The following TTC28 variants were observed in gnomAD, a reference collection of about 807,000 sequenced individuals.
TTC28 encodes tetratricopeptide repeat protein 28.
A neutral mutation model predicts 198.0 loss-of-function variants in TTC28; 61 were observed. The ratio of observed to expected loss-of-function variants is 0.31; its 90% CI spans 0.25 to 0.38. TTC28 has a LOEUF of 0.38. Ranked by LOEUF, TTC28 falls within the 10% of genes least tolerant of loss-of-function variation. TTC28 has a pLI of 1.00. For synonymous variants in TTC28, 1,171 were observed against 1,297.8 expected (o/e 0.90, Z 2.10); for missense variants, 2,678 against 3,164.0 (o/e 0.85, Z 3.69).
At chr22:28,168,291 A>T (rs552308765) in intron 5 of TTC28, among the ~76,000 whole-genome samples, 11,835 of 152,162 alleles carry the variant, frequency 0.078, 572 homozygotes, top group South Asian at 0.17. Flanking sequence ...AAGCTACCAC[A>T]GACTTTCTTC....
rs561175046 is a variant in TTC28 at position 28,126,063 on chromosome 22, T to C, written c.1442-17660A>G. ...TACCCCTGAGGCAAAAAACAACATATGAAACGAGAGGATGTTTTGGTCCTA... is the reference window on the plus strand; with the variant it reads ...TACCCCTGAGGCAAAAAACAACATACGAAACGAGAGGATGTTTTGGTCCTA... On this transcript the variant is annotated intron_variant, in intron 6 of 22. Coordinates refer to ENST00000397906, the MANE Select transcript of TTC28 (RefSeq NM_001145418.2). Among the ~76,000 whole-genome samples the C allele has an allele frequency of 2.0e-5, 3 of 152,212 alleles. No homozygotes were observed. In the East Asian group the frequency reaches 5.8e-4, roughly 29 times the overall value.
intron 1 of TTC28, among the ~76,000 whole-genome samples, chr22:28,663,648 G>T (rs1410992655): frequency 7.5e-6 from 1 of 133,956 alleles, no homozygotes; most frequent in Admixed American, 7.6e-5. Flanking sequence ...AGGGTCCTAC[G>T]CCCACGGAAT....
chr22:28,505,240 G>A (rs553610638), intron 2 of TTC28, among the ~76,000 whole-genome samples: 2 of 129,754 alleles, frequency 1.5e-5, no homozygotes, highest in African/African-American at 3.0e-5. Flanking sequence ...CTGGGCAACA[G>A]AGCGAGACTC....
intron 2 of TTC28, among the ~76,000 whole-genome samples, chr22:28,318,751 T>C (rs1042227636): frequency 1.3e-5 from 2 of 151,566 alleles, no homozygotes; most frequent in African/African-American, 2.4e-5. Flanking sequence ...CCTACACACA[T>C]GTCAATGTAG....
chr22:28,319,256 C>T (rs1001746938), intron 2 of TTC28, among the ~76,000 whole-genome samples: 1 of 152,144 alleles, frequency 6.6e-6, no homozygotes, highest in African/African-American at 2.4e-5. Flanking sequence ...TCCTCAGAAG[C>T]ATGTTCTTTT....
At chr22:28,169,659 A>G (rs1193697543) in intron 5 of TTC28, among the ~76,000 whole-genome samples, 1 of 152,024 alleles carries the variant, frequency 6.6e-6, no homozygotes, top group East Asian at 1.9e-4. Flanking sequence ...ATCACACACC[A>G]GGGACTGTTG....
intron 8 of TTC28, among the ~76,000 whole-genome samples, chr22:28,103,700 A>G (rs1334513881): frequency 1.3e-5 from 2 of 152,238 alleles, no homozygotes; most frequent in Non-Finnish European, 2.9e-5. Flanking sequence ...GATCTCTGCA[A>G]GACTTAAAAA....
rs577822053 is a variant in TTC28, at chr22:28,404,397, G to A, written c.382-97754C>T. Among the ~76,000 whole-genome samples, 31 of 152,254 alleles carry A rather than the reference G, an allele frequency of 2.0e-4. No homozygotes were observed. In the South Asian group the frequency reaches 5.4e-3, roughly 26 times the overall value. On this transcript the variant is annotated intron_variant, in intron 2 of 22. Transcript: ENST00000397906. ...CCTCCCAAAGTGCTGGGTTACTGGC[G>A]TGAGACACCGCGCCCGGCCTATATG... is the stretch of plus-strand genomic sequence containing the variant.
In TTC28 at chr22:28,088,322, T is replaced by C. The variant is rs201105937; in HGVS notation, c.3932+5758A>G. 2.2e-4 allele frequency among the ~76,000 whole-genome samples: 33 copies of C among 152,072 alleles called. No homozygotes were observed. The East Asian group carries it at 6.4e-3, about 29-fold the overall frequency. Reference sequence around the variant, plus strand: ...ACTGGTACCAAAACAGAGATATAGATCAATGGAACAGAACAGAGCCCTCAG... The same window carrying C: ...ACTGGTACCAAAACAGAGATATAGACCAATGGAACAGAACAGAGCCCTCAG... On this transcript the variant is annotated intron_variant, in intron 12 of 22. Transcript: ENST00000397906.
chr22:28,247,247 G>C (rs1360519107), intron 5 of TTC28, among the ~76,000 whole-genome samples: 4 of 152,228 alleles, frequency 2.6e-5, no homozygotes, highest in South Asian at 4.1e-4. Flanking sequence ...TGTATATCTG[G>C]GCTCTTCAAT....
intron 6 of TTC28, among the ~76,000 whole-genome samples, chr22:28,138,664 T>A (rs1943256668): frequency 6.6e-6 from 1 of 152,150 alleles, no homozygotes; most frequent in Non-Finnish European, 1.5e-5. Flanking sequence ...TCCTGAGGCT[T>A]ATCAAGGCCA....
chr22:28,365,158 C>CA (rs2046227702), intron 2 of TTC28, among the ~76,000 whole-genome samples: 2 of 152,214 alleles, frequency 1.3e-5, no homozygotes, highest in African/African-American at 4.8e-5. Flanking sequence ...CAAGACCCCT[C>CA]ACCAGCAAAG....
intron 13 of TTC28, among the ~76,000 whole-genome samples, chr22:28,017,728 C>G (rs1024370756): frequency 6.6e-6 from 1 of 152,160 alleles, no homozygotes; most frequent in African/African-American, 2.4e-5. Flanking sequence ...AACAACCAGG[C>G]TTGCCTGATC....
intron 1 of TTC28, among the ~76,000 whole-genome samples, chr22:28,644,256 G>A (rs1189619694): frequency 3.9e-5 from 6 of 152,022 alleles, no homozygotes; most frequent in South Asian, 2.1e-4. Flanking sequence ...AAAATTAGCC[G>A]GGCGTGGTGG....
rs535409323 is a variant in TTC28, at chr22:28,214,210, C to T, written c.934-50611G>A. The stretch of plus-strand genomic sequence containing the variant: ...AAAACCTAGGCAATACCATTCAGGA[C>T]ATAGGCATGGCCAAGGACTTCATGT... On this transcript the variant is annotated intron_variant, in intron 5 of 22. Transcript: ENST00000397906. Among the ~76,000 whole-genome samples, 21 of 152,298 alleles carry T rather than the reference C, an allele frequency of 1.4e-4. No individual in the cohort carries two copies. In the East Asian group the frequency reaches 4.0e-3, roughly 29 times the overall value.
At chr22:28,324,454 C>T (rs1409904813) in intron 2 of TTC28, among the ~76,000 whole-genome samples, 1 of 151,606 alleles carries the variant, frequency 6.6e-6, no homozygotes, top group Non-Finnish European at 1.5e-5. Flanking sequence ...AATTTCAGGC[C>T]AATAATCCCT....
At chr22:28,473,069 T>C (rs558782983) in intron 2 of TTC28, among the ~76,000 whole-genome samples, 1 of 152,092 alleles carries the variant, frequency 6.6e-6, no homozygotes, top group African/African-American at 2.4e-5. Flanking sequence ...GGAAAATGCA[T>C]AATCCAAAAA....
chr22:28,324,193 T>C (rs112970372), intron 2 of TTC28, among the ~76,000 whole-genome samples: 3,358 of 152,224 alleles, frequency 0.022, 38 homozygotes, highest in Non-Finnish European at 0.027. Flanking sequence ...GGCTCATGCC[T>C]GTAGTCCCAG....
rs568127783 is a variant in TTC28 at position 27,978,973 on chromosome 22, T to A, written c.*3248A>T. ...GCAAATGGTAAGGAAAAAATTGTTT[T>A]GTAAATATTACATCCATGGACTCCT... is the stretch of plus-strand genomic sequence containing the variant. On this transcript the variant is annotated 3_prime_UTR_variant, in exon 23 of 23. Transcript: ENST00000397906. The A allele has an allele frequency of 6.6e-6, 1 of 152,230 alleles. No homozygotes were observed. The highest frequency in any genetic ancestry group is 2.4e-5 in the African/African-American group (1 of 41,446). 9.4% of individuals were successfully genotyped at this position (152,230 alleles called of 1,614,324 possible). A position where few individuals can be genotyped will look rare whatever the true frequency, so the allele number is the denominator to read the frequency against.
Sources: gnomAD v4.1 joint callset for allele counts (sites outside exome capture counted in the v4.1 genomes callset) on GRCh38, gnomAD v4.1.1 for gene constraint, MANE v1.5 for transcripts, NCBI Gene and HGNC (gene_info 2026-07-23, HGNC 2026-07-21) for gene names.